The following ACKR2 variants were observed in gnomAD, a reference collection of about 807,000 sequenced individuals.
The protein encoded by ACKR2 is atypical chemokine receptor 2, also known as C-C chemokine receptor D6.
For missense variants in ACKR2, 457 were observed against 477.3 expected, an observed-to-expected ratio of 0.96 and a Z score of 0.40; for synonymous variants, 207 against 192.2, an observed-to-expected ratio of 1.08 and a Z score of -0.64.
At chr3:42,845,130 G>A (rs761153925) in intron 2 of ACKR2, among the ~76,000 whole-genome samples, 15 of 152,284 alleles carry the variant, frequency 9.9e-5, no homozygotes, top group Non-Finnish European at 1.3e-4. Flanking sequence ...CACCAGGACC[G>A]TGGCCATAAG....
chr3:42,832,358 G>A (rs1198647181), intron 2 of ACKR2, among the ~76,000 whole-genome samples: 2 of 151,890 alleles, frequency 1.3e-5, no homozygotes, highest in African/African-American at 4.8e-5. Flanking sequence ...GTATAGTGGT[G>A]GGCACCTGTA....
chr3:42,812,126 C>A (rs1700703287), intron 1 of ACKR2, among the ~76,000 whole-genome samples: 1 of 152,206 alleles, frequency 6.6e-6, no homozygotes, highest in Non-Finnish European at 1.5e-5. Flanking sequence ...TATTCCTTTT[C>A]TCAGTCTCTC....
chr3:42,810,240 G>A (rs1402523420), intron 1 of ACKR2, among the ~76,000 whole-genome samples: 1 of 152,014 alleles, frequency 6.6e-6, no homozygotes, highest in Non-Finnish European at 1.5e-5. Context: ...TCAATCTGTT[G>A]GTAATGTGAT....
chr3:42,822,575 G>A (rs986470315), intron 2 of ACKR2, among the ~76,000 whole-genome samples: 1 of 152,122 alleles, frequency 6.6e-6, no homozygotes, highest in East Asian at 1.9e-4. Flanking sequence ...AAAACAGGCT[G>A]GGTGCGGTGG....
intron 2 of ACKR2, among the ~76,000 whole-genome samples, chr3:42,820,549 C>A (rs1419264564): frequency 6.7e-6 from 1 of 148,382 alleles, no homozygotes; most frequent in African/African-American, 2.5e-5. Context: ...GCCCAGATCA[C>A]GCCACTGCAC....
intron 2 of ACKR2, among the ~76,000 whole-genome samples, chr3:42,834,162 T>C (rs1290340707): frequency 6.6e-6 from 1 of 152,184 alleles, no homozygotes; most frequent in Non-Finnish European, 1.5e-5. Context: ...TTTGCCATGT[T>C]GGTCAGGCTG....
chr3:42,809,912 A>G (rs1441377826), intron 1 of ACKR2, among the ~76,000 whole-genome samples: 1 of 151,884 alleles, frequency 6.6e-6, no homozygotes, highest in Non-Finnish European at 1.5e-5. Context: ...TTCTGTAATC[A>G]GCCTTGGGGA....
intron 2 of ACKR2, among the ~76,000 whole-genome samples, chr3:42,857,930 A>G (rs1243405479): frequency 3.3e-5 from 5 of 152,228 alleles, no homozygotes; most frequent in Non-Finnish European, 7.3e-5. Flanking sequence ...GGCAGAGCCC[A>G]CCGTAGCTTG....
At chr3:42,843,483 C>T (rs556407442) in intron 2 of ACKR2, among the ~76,000 whole-genome samples, 32 of 152,090 alleles carry the variant, frequency 2.1e-4, no homozygotes, top group African/African-American at 6.5e-4. Context: ...TGTATGTGTA[C>T]AATAGACTGC....
chr3:42,832,624 C>G (rs923629979), intron 2 of ACKR2, among the ~76,000 whole-genome samples: 1 of 152,176 alleles, frequency 6.6e-6, no homozygotes, highest in Admixed American at 6.5e-5. Context: ...ATACGGAACG[C>G]ACAGCAATGA....
chr3:42,850,762 G>A (rs1701147081), intron 2 of ACKR2, among the ~76,000 whole-genome samples: 1 of 152,192 alleles, frequency 6.6e-6, no homozygotes, highest in Admixed American at 6.5e-5. Flanking sequence ...CTTCCCCTGA[G>A]AGCTCCTGAC....
intron 2 of ACKR2, among the ~76,000 whole-genome samples, chr3:42,854,585 T>C (rs936160635): frequency 3.9e-5 from 6 of 152,206 alleles, no homozygotes; most frequent in African/African-American, 1.4e-4. Flanking sequence ...CAATTGGGCT[T>C]CACCTATCCA....
At chr3:42,835,018 T>C (rs1388294692) in intron 2 of ACKR2, among the ~76,000 whole-genome samples, 2 of 152,158 alleles carry the variant, frequency 1.3e-5, no homozygotes, top group Non-Finnish European at 2.9e-5. Context: ...CCCGAGTAGC[T>C]GGAACTGCAG....
Position 42,866,919 on chromosome 3 carries a change from G to C in ACKR2, c.*1262G>C, listed in dbSNP as rs775759037. 3 of 165,466 alleles carry C rather than the reference G, an allele frequency of 1.8e-5. No homozygotes were observed. Among genetic ancestry groups the C allele is most frequent in the Non-Finnish European group, 4.4e-5 (3 of 68,028 alleles). 10.2% of individuals were successfully genotyped at this position (165,466 alleles called of 1,614,324 possible). On this transcript the variant is annotated 3_prime_UTR_variant, in exon 3 of 3. Transcript: ENST00000422265. The stretch of plus-strand genomic sequence containing the variant: ...GACAGGATCTCACTCTGTCATCCAG[G>C]CTGAAGTCCAATCCCACAATCATGG...
At chr3:42,863,311 T>G (rs559986712) in intron 2 of ACKR2, among the ~76,000 whole-genome samples, 2 of 152,344 alleles carry the variant, frequency 1.3e-5, no homozygotes, top group Admixed American at 1.3e-4. Flanking sequence ...TGAGATGAGA[T>G]ACCATCTAAC....
chr3:42,836,098 C>G (rs1700985662), intron 2 of ACKR2: 1 of 152,004 alleles, frequency 6.6e-6, no homozygotes, highest in South Asian at 2.1e-4. Context: ...GAATGCATTC[C>G]TCCCCAGAAA....
chr3:42,866,177 CTTT>C lies in ACKR2; in HGVS notation c.*534_*536del, dbSNP rs59894863. On this transcript the variant is annotated 3_prime_UTR_variant, in exon 3 of 3. Transcript: ENST00000422265. ...TTTTTTTTCTTTCTTTCTTTCTTTTCTTTTTTTTTTTTTTTTGAGACGGAGTCT... is the reference window on the plus strand; with the variant it reads ...TTTTTTTTCTTTCTTTCTTTCTTTTCTTTTTTTTTTTTTGAGACGGAGTCT... 2.5e-5 allele frequency: 3 copies of C among 122,030 alleles called. No homozygotes were observed. Among genetic ancestry groups the C allele is most frequent in the Non-Finnish European group, 4.9e-5 (3 of 60,712 alleles). 7.6% of individuals were successfully genotyped at this position (122,030 alleles called of 1,614,324 possible).
At chr3:42,828,650 G>A (rs778414501) in intron 2 of ACKR2, among the ~76,000 whole-genome samples, 4 of 152,076 alleles carry the variant, frequency 2.6e-5, no homozygotes, top group African/African-American at 4.8e-5. Context: ...GATTTGGAGC[G>A]GCGAATTTAT....
chr3:42,817,254 C>T (rs1700761059), intron 1 of ACKR2, among the ~76,000 whole-genome samples: 1 of 152,186 alleles, frequency 6.6e-6, no homozygotes, highest in South Asian at 2.1e-4. Context: ...AGCAATGCAA[C>T]CTCAAGCAAG....
Sources: allele counts gnomAD v4.1 joint callset (sites outside exome capture counted in the v4.1 genomes callset), GRCh38; gene constraint gnomAD v4.1.1; transcripts MANE v1.5; gene names NCBI Gene and HGNC (gene_info 2026-07-23, HGNC 2026-07-21).